The following EPAS1 variants were observed in gnomAD, a reference collection of about 807,000 sequenced individuals.
EPAS1 encodes endothelial PAS domain-containing protein 1.
In EPAS1, 23 loss-of-function variants were observed where a neutral mutation model predicts 87.9. The ratio of observed to expected loss-of-function variants is 0.26; its 90% confidence interval spans 0.19 to 0.37. EPAS1 has a LOEUF of 0.37. Among genes scored for constraint, EPAS1 ranks in the 10% least tolerant of loss-of-function variants. The pLI is 1.00. For missense variants in EPAS1, 1,138 were observed against 1,120.7 expected (o/e 1.02, Z -0.22); for synonymous variants, 508 against 444.3 (o/e 1.14, Z -1.80).
chr2:46,380,329 G>A lies in EPAS1; in HGVS notation c.1657G>A (p.Ala553Thr), dbSNP rs1318500241. ...CATCTGCCCCGAGGAGCGGCTCTTG[G>A]CGGAGAACCCACAGTCCACCCCCCA... ...SPICPEERLL[A>T]ENPQSTPQHC... Residue 553 changes from alanine (A) to threonine (T), a missense_variant, in exon 12 of 16, where the codon GCG becomes ACG. Around this residue, in one of 4 missense-constraint regions of EPAS1, gnomAD observed 502 missense variants for 427.1 expected, o/e 1.18. Transcript: ENST00000263734. The surrounding 1 kb of genome is among the most constrained non-coding windows in gnomAD (Gnocchi z 4.4). The A allele has an allele frequency of 6.2e-6, 10 of 1,614,008 alleles. No individual in the cohort carries two copies. Among genetic ancestry groups the A allele is most frequent in the Non-Finnish European group, 6.8e-6 (8 of 1,180,018 alleles).
chr2:46,303,471 T>C (rs952305186), intron 1 of EPAS1, among the ~76,000 whole-genome samples: 5 of 152,234 alleles, frequency 3.3e-5, no homozygotes, highest in Non-Finnish European at 5.9e-5. Flanking sequence ...CTGTTCTTTA[T>C]ACACTTGCTT....
At chr2:46,305,505 G>A (rs182099182) in intron 1 of EPAS1, among the ~76,000 whole-genome samples, 16 of 152,194 alleles carry the variant, frequency 1.1e-4, no homozygotes, top group African/African-American at 3.9e-4. Context: ...AAAGTTATAA[G>A]TAATTTCCAT....
chr2:46,381,502 C>A, intron 12 of EPAS1, 94 bp from the exon 13 acceptor site: 1 of 1,600,064 alleles, frequency 6.2e-7, no homozygotes, highest in Non-Finnish European at 8.6e-7. Context: ...TCACAGGCAT[C>A]AGCATTGGGA....
chr2:46,376,471 T>G, intron 8 of EPAS1, 68 bp from the exon 9 acceptor site: 1 of 1,504,688 alleles, frequency 6.6e-7, no homozygotes, highest in Non-Finnish European at 9.3e-7. Context: ...AGGGTTTCCA[T>G]GCATCTAGGG....
intron 1 of EPAS1, among the ~76,000 whole-genome samples, chr2:46,305,166 C>G (rs1023643498): frequency 6.6e-6 from 1 of 152,156 alleles, no homozygotes; most frequent in Non-Finnish European, 1.5e-5. Context: ...TTTGGTGACC[C>G]TTGTCTGTTC....
In EPAS1 at chr2:46,380,178, G is replaced by T. The variant is rs749329347; in HGVS notation, c.1555-49G>T. ...GGAGCTGAGTTGGAATAGTGTTTGT[G>T]AGGTCGTACCAACCCCCTTGCCTCT... is the stretch of plus-strand genomic sequence containing the variant. On this transcript the variant is annotated intron_variant, in intron 11 of 15. Coordinates refer to ENST00000263734, the MANE Select transcript of EPAS1 (RefSeq NM_001430.5). This position sits in a 1 kb window ranked among gnomAD's most constrained non-coding sequence, Gnocchi z 4.4. The T allele has an allele frequency of 6.2e-7, 1 of 1,600,852 alleles. No homozygotes were observed. Among genetic ancestry groups the T allele is most frequent in the East Asian group, 2.2e-5 (1 of 44,888 alleles).
chr2:46,378,228 TACCA>T, intron 10 of EPAS1, 141 bp downstream of exon 10: 1 of 1,404,562 alleles, frequency 7.1e-7, no homozygotes, highest in Non-Finnish European at 9.4e-7. Context: ...GACACTTACC[TACCA>T]GGTATCAGAG....
chr2:46,362,477 G>A (rs1031082760), intron 6 of EPAS1, among the ~76,000 whole-genome samples: 1 of 152,198 alleles, frequency 6.6e-6, no homozygotes, highest in Non-Finnish European at 1.5e-5. Flanking sequence ...TGGCTGGGGG[G>A]CAGGAAGAGG....
chr2:46,360,548 G>C lies in EPAS1; in HGVS notation c.455-90G>C. On this transcript the variant is annotated intron_variant, in intron 4 of 15. Coordinates refer to ENST00000263734, the MANE Select transcript of EPAS1 (RefSeq NM_001430.5). The surrounding 1 kb of genome is among the most constrained non-coding windows in gnomAD (Gnocchi z 4.5). ...AGATATTTGGAAAATATAAACAATA[G>C]GCTGCCAAGAAAAACTGCAGCTGGG... 4 of 1,120,474 alleles carry C rather than the reference G, an allele frequency of 3.6e-6. No homozygotes were observed. Among genetic ancestry groups the C allele is most frequent in the Non-Finnish European group, 2.7e-6 (2 of 730,752 alleles). 69.4% of individuals were successfully genotyped at this position (1,120,474 alleles called of 1,614,324 possible). A position where few individuals can be genotyped will look rare whatever the true frequency, so the allele number is the denominator to read the frequency against.
chr2:46,317,337 C>A (rs1233545349), intron 1 of EPAS1, among the ~76,000 whole-genome samples: 2 of 152,168 alleles, frequency 1.3e-5, no homozygotes, highest in East Asian at 3.8e-4. Flanking sequence ...TACAAAATTT[C>A]TTGAATAAGA....
At chr2:46,321,383 C>A (rs1683452031) in intron 1 of EPAS1, among the ~76,000 whole-genome samples, 1 of 152,024 alleles carries the variant, frequency 6.6e-6, no homozygotes, top group Non-Finnish European at 1.5e-5. Flanking sequence ...TGGATATAGA[C>A]CTAGAAGTGG....
chr2:46,382,803 G>A (rs1684931234), intron 15 of EPAS1, among the ~76,000 whole-genome samples: 1 of 152,192 alleles, frequency 6.6e-6, no homozygotes, highest in African/African-American at 2.4e-5. Context: ...CCCCCAGTGG[G>A]TGGGTCTGAG....
Position 46,378,729 on chromosome 2 carries a change from G to T in EPAS1, c.1516G>T (p.Ala506Ser), listed in dbSNP as rs745977062. ...LKIEVIEKLF[A>S]MDTEAKDQCS... ...GATTGAAGTGATTGAGAAGCTCTTC[G>T]CCATGGACACAGAGGCCAAGGACCA... The change falls in exon 11 of 16, where the codon GCC (alanine) becomes TCC (serine). Residue 506 changes from alanine (A) to serine (S), a missense_variant. Physicochemically the swap from Ala to Ser is moderately conservative, Grantham distance 99. Around this residue, in one of 4 missense-constraint regions of EPAS1, gnomAD observed 284 missense variants for 258.4 expected, o/e 1.10. Transcript: ENST00000263734. The T allele has an allele frequency of 1.2e-6, 2 of 1,614,134 alleles. No homozygotes were observed. The highest frequency in any genetic ancestry group is 3.3e-5 in the Admixed American group (2 of 60,022).
chr2:46,318,581 T>G (rs1683391077), intron 1 of EPAS1, among the ~76,000 whole-genome samples: 1 of 152,218 alleles, frequency 6.6e-6, no homozygotes. Flanking sequence ...CCATTTTTAT[T>G]AAGTTCCCAT....
chr2:46,362,686 G>A (rs563654999), intron 6 of EPAS1, among the ~76,000 whole-genome samples: 1 of 152,294 alleles, frequency 6.6e-6, no homozygotes, highest in Admixed American at 6.5e-5. Flanking sequence ...TCTCTCCTCT[G>A]ATTCCAGACC....
intron 1 of EPAS1, among the ~76,000 whole-genome samples, chr2:46,341,675 G>A (rs994124805): frequency 2.7e-5 from 4 of 150,876 alleles, no homozygotes; most frequent in African/African-American, 4.9e-5. Flanking sequence ...AAAGAGTGTG[G>A]TTAGGTTTTG....
intron 1 of EPAS1, among the ~76,000 whole-genome samples, chr2:46,323,447 G>A (rs936186929): frequency 2.0e-5 from 3 of 152,158 alleles, no homozygotes; most frequent in South Asian, 2.1e-4. Flanking sequence ...TATATCTTGC[G>A]CACCCAACAG....
At chr2:46,326,829 A>G (rs1683573986) in intron 1 of EPAS1, among the ~76,000 whole-genome samples, 1 of 152,162 alleles carries the variant, frequency 6.6e-6, no homozygotes. Flanking sequence ...AAATAGGGAA[A>G]ATGGTTCTAG....
At chr2:46,343,387 A>G (rs1572629856) in intron 1 of EPAS1, among the ~76,000 whole-genome samples, 1 of 152,248 alleles carries the variant, frequency 6.6e-6, no homozygotes, top group Admixed American at 6.5e-5. Context: ...GTGGGAAAGT[A>G]TCAACACAGC....
Sources: gnomAD v4.1 joint callset for allele counts (sites outside exome capture counted in the v4.1 genomes callset) on GRCh38, gnomAD v4.1.1 for gene constraint, gnomAD v4.1.1 regional missense constraint, Gnocchi (gnomAD v3.1) non-coding constraint, MANE v1.5 for transcripts, NCBI Gene and HGNC (gene_info 2026-07-23, HGNC 2026-07-21) for gene names.